Variants in COG3 observed in about 807,000 individuals in gnomAD.
The protein encoded by COG3 is conserved oligomeric Golgi complex subunit 3.
Under a neutral mutation model 114.1 loss-of-function variants are expected in COG3, and 32 were observed. That is an observed-to-expected ratio of 0.28 (90% confidence interval 0.21 to 0.38). The LOEUF (loss-of-function observed/expected upper bound fraction) is 0.38, where lower values mean the gene tolerates loss of function less well. Among genes scored for constraint, COG3 ranks in the 10% least tolerant of loss-of-function variants. COG3 has a pLI of 1.00. For synonymous variants in COG3, 352 were observed against 365.7 expected, an observed-to-expected ratio of 0.96 and a Z score of 0.43; for missense variants, 813 against 973.2, an observed-to-expected ratio of 0.84 and a Z score of 2.19.
Position 45,535,319 on chromosome 13 carries a change from G to A in COG3, c.*588G>A, listed in dbSNP as rs1873479578. On this transcript the variant is annotated 3_prime_UTR_variant, in exon 23 of 23. Coordinates refer to ENST00000349995, the MANE Select transcript of COG3 (RefSeq NM_031431.4). ...CATCCTTTCCTCTGTTTGATGTGAGGTAGTTTAAAGATACAAGGACTTTGT... is the reference window on the plus strand; with the variant it reads ...CATCCTTTCCTCTGTTTGATGTGAGATAGTTTAAAGATACAAGGACTTTGT... 1 of 985,274 alleles carries A rather than the reference G, an allele frequency of 1.0e-6. No homozygotes were observed. The highest frequency in any genetic ancestry group is 1.1e-4 in the East Asian group (1 of 8,824). The allele number at this position is 985,274 out of a possible 1,614,324, so 61.0% of individuals were successfully genotyped here.
At chr13:45,531,034 G>T (rs1873123561) in intron 22 of COG3, 1 of 1,077,190 alleles carries the variant, frequency 9.3e-7, no homozygotes, top group African/African-American at 1.6e-5. Context: ...GTGTTTAAGA[G>T]AATGACCTGT....
At chr13:45,530,239 T>G (rs1873051209) in intron 21 of COG3, among the ~76,000 whole-genome samples, 1 of 152,184 alleles carries the variant, frequency 6.6e-6, no homozygotes, top group African/African-American at 2.4e-5. Context: ...TATGCCCCAT[T>G]TTACTGGTGA....
At chr13:45,468,498 A>C (rs376334406) in intron 1 of COG3, among the ~76,000 whole-genome samples, 1 of 152,206 alleles carries the variant, frequency 6.6e-6, no homozygotes, top group East Asian at 1.9e-4. Context: ...GACTCCACCT[A>C]TACCTCTTCA....
chr13:45,478,429 T>G (rs1886038608), intron 2 of COG3, among the ~76,000 whole-genome samples: 1 of 151,830 alleles, frequency 6.6e-6, no homozygotes, highest in Non-Finnish European at 1.5e-5. Context: ...TCCGCTCGCC[T>G]CGGCCTCCGA....
intron 1 of COG3, among the ~76,000 whole-genome samples, chr13:45,468,641 A>G (rs1237581755): frequency 1.3e-5 from 2 of 152,226 alleles, no homozygotes; most frequent in African/African-American, 4.8e-5. Flanking sequence ...AAGGTATGTT[A>G]CTTGTTATTT....
At chr13:45,497,858 CT>C (rs1869012495) in intron 13 of COG3, among the ~76,000 whole-genome samples, 1 of 151,990 alleles carries the variant, frequency 6.6e-6, no homozygotes, top group Non-Finnish European at 1.5e-5. Context: ...CGGAATATAA[CT>C]TTACACTCCT....
chr13:45,517,383 T>G (rs904371990), intron 17 of COG3, among the ~76,000 whole-genome samples: 9 of 152,226 alleles, frequency 5.9e-5, no homozygotes, highest in African/African-American at 1.4e-4. Flanking sequence ...TCATGATGAT[T>G]CTTCTTAAAA....
At chr13:45,508,431 CAT>C (rs1388129131) in intron 14 of COG3, among the ~76,000 whole-genome samples, 16 of 138,418 alleles carry the variant, frequency 1.2e-4, no homozygotes, top group African/African-American at 3.2e-4. Flanking sequence ...CACACATACA[CAT>C]ATATATACAT....
chr13:45,490,844 A>G, intron 8 of COG3, 71 bp from the exon 9 acceptor site: 1 of 773,774 alleles, frequency 1.3e-6, no homozygotes, highest in South Asian at 2.2e-5. Context: ...GATACAATTA[A>G]TATTATAATC....
chr13:45,533,909 T>A (rs888148830), intron 22 of COG3, among the ~76,000 whole-genome samples: 1 of 152,232 alleles, frequency 6.6e-6, no homozygotes, highest in South Asian at 2.1e-4. Context: ...CACTCATTTA[T>A]AAATGACATC....
At position 45,504,951 on chromosome 13, in the gene COG3, C is replaced by T. The variant is rs112563528; in HGVS notation, c.1594+1602C>T. ...CCTGTAATCCTAGCACTTTGGGAGG[C>T]TGAGGTGGGCGGATCACCTGAGGTC... On this transcript the variant is annotated intron_variant, in intron 14 of 22. Transcript: ENST00000349995. Among the ~76,000 whole-genome samples the T allele has an allele frequency of 4.1e-3, 628 of 152,188 alleles. 3 individuals are homozygous for T. Among genetic ancestry groups the T allele is most frequent in the Non-Finnish European group, 7.3e-3 (496 of 67,984 alleles).
chr13:45,493,277 A>G, intron 11 of COG3, 70 bp from the exon 12 acceptor site: 2 of 1,247,494 alleles, frequency 1.6e-6, no homozygotes, highest in South Asian at 2.8e-5. Flanking sequence ...GAAATCAATG[A>G]GGATTTCTAA....
chr13:45,481,333 G>A (rs1593685277), intron 5 of COG3, 29 bp downstream of exon 5: 1 of 1,232,602 alleles, frequency 8.1e-7, no homozygotes. Flanking sequence ...TTCTTATAAA[G>A]TTAGTGATTT....
At chr13:45,524,351 G>A (rs1356737755) in intron 19 of COG3, among the ~76,000 whole-genome samples, 1 of 152,162 alleles carries the variant, frequency 6.6e-6, no homozygotes, top group African/African-American at 2.4e-5. Flanking sequence ...TGTTCAAGCA[G>A]CTAAGTGCCC....
chr13:45,483,086 A>C, intron 6 of COG3, 144 bp from the exon 7 acceptor site: 1 of 548,524 alleles, frequency 1.8e-6, no homozygotes, highest in Non-Finnish European at 3.2e-6. Flanking sequence ...GTATTTATTC[A>C]TCTTCATGGA....
At chr13:45,473,881 G>T (rs1885679644) in intron 1 of COG3, among the ~76,000 whole-genome samples, 1 of 152,184 alleles carries the variant, frequency 6.6e-6, no homozygotes, top group Admixed American at 6.5e-5. Context: ...TTAGACTCAG[G>T]ATAAATTCTT....
At chr13:45,529,084 C>T (rs1193004595) in intron 20 of COG3, among the ~76,000 whole-genome samples, 3 of 152,188 alleles carry the variant, frequency 2.0e-5, no homozygotes, top group African/African-American at 7.2e-5. Flanking sequence ...TGCCAATCAT[C>T]TGTAAATATC....
intron 1 of COG3, among the ~76,000 whole-genome samples, chr13:45,474,043 C>T (rs753425150): frequency 5.9e-5 from 9 of 152,140 alleles, no homozygotes; most frequent in Non-Finnish European, 1.2e-4. Context: ...TTGAGCCAGG[C>T]TCATTTGTGG....
At chr13:45,492,773 G>T (rs1887095036) in intron 11 of COG3, among the ~76,000 whole-genome samples, 2 of 152,136 alleles carry the variant, frequency 1.3e-5, no homozygotes, top group African/African-American at 4.8e-5. Context: ...TATGGTTTTA[G>T]TTGAAGTGAT....
Sources: gnomAD v4.1 joint callset for allele counts (sites outside exome capture counted in the v4.1 genomes callset) on GRCh38, gnomAD v4.1.1 for gene constraint, MANE v1.5 for transcripts, NCBI Gene and HGNC (gene_info 2026-07-23, HGNC 2026-07-21) for gene names.